Variants in ADAM18 observed in about 807,000 individuals in gnomAD.
ADAM18 encodes the protein ADAM metallopeptidase domain 18.
Under a neutral mutation model 94.4 loss-of-function variants are expected in ADAM18, and 117 were observed. That is an observed-to-expected ratio of 1.24 (90% confidence interval 1.07 to 1.45). ADAM18 has a LOEUF of 1.45. ADAM18 is among the 40% of genes most tolerant of loss of function. ADAM18 has a pLI of 0.00. For synonymous variants in ADAM18, 327 were observed against 291.6 expected, an observed-to-expected ratio of 1.12 and a Z score of -1.24; for missense variants, 936 against 880.0, an observed-to-expected ratio of 1.06 and a Z score of -0.81.
chr8:39,726,528 T>C (rs892594856), intron 19 of ADAM18, among the ~76,000 whole-genome samples: 5 of 152,182 alleles, frequency 3.3e-5, no homozygotes, highest in East Asian at 1.9e-4. Context: ...ATTGATTGTT[T>C]CTTTTGCTAT....
At chr8:39,711,891 A>G (rs1286241242) in intron 18 of ADAM18, among the ~76,000 whole-genome samples, 1 of 152,148 alleles carries the variant, frequency 6.6e-6, no homozygotes, top group African/African-American at 2.4e-5. Context: ...TATGAAAATC[A>G]TAAATATACA....
At chr8:39,601,531 A>G (rs562466776) in intron 2 of ADAM18, among the ~76,000 whole-genome samples, 1 of 151,428 alleles carries the variant, frequency 6.6e-6, no homozygotes, top group East Asian at 1.9e-4. Flanking sequence ...TTTAATGTAC[A>G]CATTTAGTTT....
Position 39,584,584 on chromosome 8 carries a change from C to A in ADAM18, c.-39C>A, listed in dbSNP as rs1238323938. The A allele has an allele frequency of 1.2e-6, 2 of 1,609,420 alleles. No homozygotes were observed. The highest frequency in any genetic ancestry group is 2.7e-5 in the African/African-American group (2 of 75,022). ...CGCGAGCTCAACGCTGCTCAACGGT[C>A]TCTGTCCTTGGCTGTGGCTCCTGCG... On this transcript the variant is annotated 5_prime_UTR_variant, in exon 1 of 20. Transcript: ENST00000265707.
intron 2 of ADAM18, among the ~76,000 whole-genome samples, chr8:39,587,848 T>G (rs554944062): frequency 6.6e-6 from 1 of 152,356 alleles, no homozygotes; most frequent in East Asian, 1.9e-4. Context: ...TGTGGGTTCA[T>G]TCACGTCTCA....
chr8:39,594,611 CT>C (rs1247090933), intron 2 of ADAM18, among the ~76,000 whole-genome samples: 9 of 150,480 alleles, frequency 6.0e-5, no homozygotes, highest in Non-Finnish European at 1.3e-4. Context: ...ATTTATGGGT[CT>C]TTTTTTTCAT....
chr8:39,611,414 G>T, intron 6 of ADAM18: 1 of 889,886 alleles, frequency 1.1e-6, no homozygotes, highest in South Asian at 5.6e-5. Context: ...ATTAGCTTGT[G>T]TGAATCCTGA....
At chr8:39,651,287 AT>A (rs1820527836) in intron 12 of ADAM18, among the ~76,000 whole-genome samples, 1 of 152,076 alleles carries the variant, frequency 6.6e-6, no homozygotes, top group South Asian at 2.1e-4. Flanking sequence ...CCTTTCTCTT[AT>A]CTCAACTGCA....
At chr8:39,615,723 A>G (rs1447892985) in intron 6 of ADAM18, among the ~76,000 whole-genome samples, 1 of 152,184 alleles carries the variant, frequency 6.6e-6, no homozygotes, top group Non-Finnish European at 1.5e-5. Flanking sequence ...GCAATCACGT[A>G]AGAGAAAGAA....
At position 39,632,235 on chromosome 8, in the gene ADAM18, A is replaced by G. The variant is rs145556592; in HGVS notation, c.588+2796A>G. On this transcript the variant is annotated intron_variant, in intron 7 of 19. Coordinates refer to ENST00000265707, the MANE Select transcript of ADAM18 (RefSeq NM_014237.3). ...TACTTTTATTTCATTTTATTGTTTT[A>G]TTGTCCTTGCTTGACTCTGCAGTAC... 2.6e-3 allele frequency among the ~76,000 whole-genome samples: 390 copies of G among 151,228 alleles called. 5 individuals carry two copies. The highest frequency in any genetic ancestry group is 9.1e-3 in the African/African-American group (374 of 41,220).
intron 18 of ADAM18, among the ~76,000 whole-genome samples, chr8:39,715,883 A>G (rs1276951313): frequency 6.6e-6 from 1 of 152,018 alleles, no homozygotes; most frequent in Non-Finnish European, 1.5e-5. Context: ...AAATTACGCT[A>G]ATTCTCTGCA....
intron 18 of ADAM18, among the ~76,000 whole-genome samples, chr8:39,719,878 A>T (rs1406338923): frequency 6.6e-6 from 1 of 151,518 alleles, no homozygotes; most frequent in Non-Finnish European, 1.5e-5. Flanking sequence ...CAAATCACAT[A>T]AATCAGCTAT....
At chr8:39,669,314 A>T (rs11985161) in intron 14 of ADAM18, among the ~76,000 whole-genome samples, 105,036 of 148,420 alleles carry the variant, frequency 0.71, 37,661 homozygotes, top group Middle Eastern at 0.8. Flanking sequence ...TCTTTTTTTT[A>T]AATTTTATTA....
intron 6 of ADAM18, among the ~76,000 whole-genome samples, chr8:39,622,292 C>A (rs1005191452): frequency 6.7e-6 from 1 of 148,642 alleles, no homozygotes; most frequent in African/African-American, 2.5e-5. Flanking sequence ...ATATTATATA[C>A]ATAATTTTAC....
intron 17 of ADAM18, among the ~76,000 whole-genome samples, chr8:39,705,803 A>G (rs530538452): frequency 1.2e-4 from 18 of 152,294 alleles, no homozygotes; most frequent in Admixed American, 9.2e-4. Flanking sequence ...GGAAAATTAC[A>G]GGGAATACTT....
intron 18 of ADAM18, among the ~76,000 whole-genome samples, chr8:39,710,791 A>C (rs1563316661): frequency 6.6e-6 from 1 of 152,246 alleles, no homozygotes; most frequent in Non-Finnish European, 1.5e-5. Flanking sequence ...TGATATAACA[A>C]GTATGTTTAG....
rs1474762319 is a variant in ADAM18, at chr8:39,606,298, T to A, written c.133-9T>A. ...CCTTCACAATCTTTACTGATGTGTT[T>A]TATTTTAGATGATTTACATCATTAC... On this transcript the variant is annotated splice_polypyrimidine_tract_variant and intron_variant, in intron 2 of 19. Transcript: ENST00000265707. The A allele has an allele frequency of 2.7e-6, 4 of 1,493,834 alleles. No homozygotes were observed. The highest frequency in any genetic ancestry group is 3.7e-6 in the Non-Finnish European group (4 of 1,093,366). 92.5% of individuals were successfully genotyped at this position (1,493,834 alleles called of 1,614,324 possible). A position where few individuals can be genotyped will look rare whatever the true frequency, so the allele number is the denominator to read the frequency against.
intron 16 of ADAM18, among the ~76,000 whole-genome samples, chr8:39,690,228 T>A (rs899082259): frequency 6.6e-6 from 1 of 151,968 alleles, no homozygotes; most frequent in Admixed American, 6.6e-5. Flanking sequence ...GGTGTGCTGG[T>A]GGGTGTGGCA....
intron 2 of ADAM18, among the ~76,000 whole-genome samples, chr8:39,601,407 T>C (rs1818901280): frequency 6.6e-6 from 1 of 152,234 alleles, no homozygotes; most frequent in African/African-American, 2.4e-5. Flanking sequence ...TTTACAGCTT[T>C]ATGCACATTT....
At chr8:39,678,408 T>C (rs1380284809) in intron 15 of ADAM18, among the ~76,000 whole-genome samples, 1 of 152,170 alleles carries the variant, frequency 6.6e-6, no homozygotes, top group Non-Finnish European at 1.5e-5. Flanking sequence ...CCATGGATTA[T>C]GTATGCTGTG....
Sources: gnomAD v4.1 joint callset for allele counts (sites outside exome capture counted in the v4.1 genomes callset) on GRCh38, gnomAD v4.1.1 for gene constraint, MANE v1.5 for transcripts, NCBI Gene and HGNC (gene_info 2026-07-23, HGNC 2026-07-21) for gene names.